SAMD8: variants seen among roughly 807,000 people sequenced by gnomAD.
The protein encoded by SAMD8 is sphingomyelin synthase-related protein 1.
Under a neutral mutation model 42.0 loss-of-function variants are expected in SAMD8, and 20 were observed. The ratio of observed to expected loss-of-function variants is 0.48; its 90% confidence interval spans 0.34 to 0.69. The LOEUF (loss-of-function observed/expected upper bound fraction) is 0.69. Among genes scored for constraint, SAMD8 ranks in the 30% least tolerant of loss-of-function variants. The pLI is 0.01. For synonymous variants in SAMD8, 162 were observed against 173.0 expected (o/e 0.94, Z 0.50); for missense variants, 328 against 511.6 (o/e 0.64, Z 3.46).
upstream of SAMD8, chr10:75,109,120 TC>T (rs1655175302): frequency 6.2e-7 from 1 of 1,610,382 alleles, no homozygotes; most frequent in Non-Finnish European, 8.5e-7. Context: ...CGTGGCTTTG[TC>T]CTCTCCCCCC....
intron 4 of SAMD8, among the ~76,000 whole-genome samples, chr10:75,174,497 C>T (rs1840944842): frequency 1.4e-5 from 2 of 144,894 alleles, no homozygotes; most frequent in Admixed American, 7.3e-5. Flanking sequence ...TGCAATGGCA[C>T]GATTTCTACT....
At chr10:75,141,573 A>T (rs1248915293) in intron 1 of SAMD8, among the ~76,000 whole-genome samples, 2 of 136,130 alleles carry the variant, frequency 1.5e-5, no homozygotes, top group Non-Finnish European at 3.1e-5. Context: ...ATGGAGTCTC[A>T]CTCTGTCTCC....
intron 2 of SAMD8, among the ~76,000 whole-genome samples, chr10:75,162,744 C>T (rs1286722706): frequency 1.3e-5 from 2 of 150,784 alleles, no homozygotes; most frequent in African/African-American, 4.9e-5. Context: ...TACAACCATT[C>T]TAAATTGGAA....
In SAMD8 at chr10:75,151,063, G is replaced by C; in HGVS notation, c.535G>C (p.Asp179His). The C allele has an allele frequency of 6.4e-7, 1 of 1,562,818 alleles. No homozygotes were observed. The highest frequency in any genetic ancestry group is 1.2e-5 in the South Asian group (1 of 82,734). The change falls in exon 2 of 6, where the codon GAC becomes CAC. Residue 179 changes from aspartate to histidine, a missense_variant. Around this residue, in one of 2 missense-constraint regions of SAMD8, gnomAD observed 178 missense variants for 325.6 expected, o/e 0.55. Transcript: ENST00000542569. ...GGTTATAGTCCATGAGCGAGTGCCT[G>C]ACATGCAGACCTATCCACCACTCCC... is the stretch of plus-strand genomic sequence containing the variant. ...IMVIVHERVPDMQTYPPLPDI... is the reference protein window; with the variant it reads ...IMVIVHERVPHMQTYPPLPDI...
chr10:75,101,949 C>T (rs1334087189), intron 1 of SAMD8: 1 of 1,367,778 alleles, frequency 7.3e-7, no homozygotes, highest in Non-Finnish European at 9.8e-7. Flanking sequence ...TCTCCGCACA[C>T]TTGATGCTGT....
chr10:75,150,384 A>G (rs1267942464), intron 1 of SAMD8, 130 bp from the exon 2 acceptor site: 10 of 1,426,666 alleles, frequency 7.0e-6, no homozygotes, highest in Non-Finnish European at 8.3e-6. Context: ...AGCCTCCCAA[A>G]GTGCTGGGGA....
intron 2 of SAMD8, among the ~76,000 whole-genome samples, chr10:75,160,407 T>C (rs1192869761): frequency 1.3e-5 from 2 of 151,418 alleles, no homozygotes; most frequent in Non-Finnish European, 2.9e-5. Context: ...GGGGTTTCAC[T>C]GTGTTAACCA....
chr10:75,106,552 G>A (rs1014450297), intron 1 of SAMD8, among the ~76,000 whole-genome samples: 7 of 152,052 alleles, frequency 4.6e-5, no homozygotes, highest in African/African-American at 1.7e-4. Flanking sequence ...ATTACCCATG[G>A]ATACCTTTGT....
At chr10:75,135,716 C>T (rs567732057) in intron 1 of SAMD8, among the ~76,000 whole-genome samples, 79 of 151,682 alleles carry the variant, frequency 5.2e-4, no homozygotes, top group Middle Eastern at 3.4e-3. Context: ...GTCCCAGCTA[C>T]TTGGGAGGCT....
chr10:75,181,937 A>G lies in SAMD8; in HGVS notation c.*5245A>G, dbSNP rs1841087118. The stretch of plus-strand genomic sequence containing the variant: ...TCTACCTAAATGTCTCTCTATCCAC[A>G]GAGAAACTAGTATTACTTGAAGATG... On this transcript the variant is annotated 3_prime_UTR_variant, in exon 6 of 6. Coordinates refer to ENST00000542569, the MANE Select transcript of SAMD8 (RefSeq NM_001174156.2). The G allele has an allele frequency of 1.3e-5, 2 of 152,232 alleles. No homozygotes were observed. Among genetic ancestry groups the G allele is most frequent in the Admixed American group, 1.3e-4 (2 of 15,272 alleles). The allele number at this position is 152,232 out of a possible 1,614,324, so 9.4% of individuals were successfully genotyped here. A position where few individuals can be genotyped will look rare whatever the true frequency, so the allele number is the denominator to read the frequency against.
intron 1 of SAMD8, among the ~76,000 whole-genome samples, chr10:75,118,669 C>T (rs1382049698): frequency 1.3e-5 from 2 of 152,038 alleles, no homozygotes; most frequent in African/African-American, 2.4e-5. Context: ...AAATATCTTT[C>T]TATAAGTATA....
chr10:75,109,249 G>C, upstream of SAMD8: 2 of 1,417,192 alleles, frequency 1.4e-6, no homozygotes, highest in South Asian at 3.0e-5. Flanking sequence ...AGGGACAGGT[G>C]ACAGAAGCAA....
At chr10:75,120,478 C>G (rs560768033) in intron 1 of SAMD8, among the ~76,000 whole-genome samples, 1 of 151,996 alleles carries the variant, frequency 6.6e-6, no homozygotes, top group Non-Finnish European at 1.5e-5. Flanking sequence ...ACCGTGTTAG[C>G]CAGGATGGTC....
chr10:75,127,259 A>G (rs1383138703), intron 1 of SAMD8, among the ~76,000 whole-genome samples: 3 of 152,022 alleles, frequency 2.0e-5, no homozygotes, highest in Admixed American at 6.6e-5. Flanking sequence ...ACTAGAAAAT[A>G]TTTAGTATTT....
intron 2 of SAMD8, among the ~76,000 whole-genome samples, chr10:75,163,758 T>G (rs1314126246): frequency 6.6e-6 from 1 of 152,140 alleles, no homozygotes; most frequent in Non-Finnish European, 1.5e-5. Context: ...TCTTTCTTTC[T>G]TTTTCTCTCC....
intron 1 of SAMD8, chr10:75,125,321 C>T (rs1342557451): frequency 2.0e-5 from 3 of 152,212 alleles, no homozygotes; most frequent in African/African-American, 7.2e-5. Context: ...TTAAGAAGTT[C>T]ATCATTTGAG....
chr10:75,119,190 T>G (rs979169444), intron 1 of SAMD8, among the ~76,000 whole-genome samples: 1 of 152,020 alleles, frequency 6.6e-6, no homozygotes, highest in Non-Finnish European at 1.5e-5. Flanking sequence ...GGAGTTTCGC[T>G]CTTGTTACTG....
upstream of SAMD8, among the ~76,000 whole-genome samples, chr10:75,106,994 C>T (rs927772328): frequency 6.6e-6 from 1 of 152,196 alleles, no homozygotes; most frequent in African/African-American, 2.4e-5. Context: ...TCCCTGGGCT[C>T]CTATGCTGTA....
At chr10:75,122,952 A>G (rs1849038147) in intron 1 of SAMD8, among the ~76,000 whole-genome samples, 1 of 152,096 alleles carries the variant, frequency 6.6e-6, no homozygotes, top group African/African-American at 2.4e-5. Flanking sequence ...CCTGGAATGA[A>G]CCCTGTTTGG....
Sources: allele counts gnomAD v4.1 joint callset (sites outside exome capture counted in the v4.1 genomes callset), GRCh38; gene constraint gnomAD v4.1.1; regional missense constraint gnomAD v4.1.1; transcripts MANE v1.5; gene names NCBI Gene and HGNC (gene_info 2026-07-23, HGNC 2026-07-21).